Variants in RIPOR2 observed in about 807,000 individuals in gnomAD.
RIPOR2 encodes the protein rho family-interacting cell polarization regulator 2.
RIPOR2 carries 39 observed loss-of-function variants against 114.5 expected under a neutral mutation model. The ratio of observed to expected loss-of-function variants is 0.34; its 90% CI spans 0.26 to 0.44. The LOEUF is 0.44. RIPOR2 is among the 20% of genes least tolerant of loss of function. RIPOR2 has a pLI of 1.00. For missense variants in RIPOR2, 1,007 were observed against 1,255.1 expected (o/e 0.80, Z 2.99); for synonymous variants, 445 against 484.4 (o/e 0.92, Z 1.07).
At chr6:24,850,926 C>T (rs537482579) in intron 9 of RIPOR2, among the ~76,000 whole-genome samples, 33 of 149,478 alleles carry the variant, frequency 2.2e-4, no homozygotes, top group African/African-American at 7.9e-4. Context: ...GTTGGAGTCT[C>T]GCTCTGTCAC....
At position 24,993,542 on chromosome 6, in the gene RIPOR2, C is replaced by T. The variant is rs140634309; in HGVS notation, c.76+48309G>A. Among the ~76,000 whole-genome samples, 406 of 152,326 alleles carry T rather than the reference C, an allele frequency of 2.7e-3. 4 individuals carry two copies. Among genetic ancestry groups the T allele is most frequent in the African/African-American group, 8.4e-3 (348 of 41,572 alleles). On this transcript the variant is annotated intron_variant, in intron 1 of 13. Transcript: ENST00000510784. ...GGTCTTGCTTTTTTATCCAGCTTGC[C>T]ACTCTGTGCCTTTTAAGTGGGGCAT... is the stretch of plus-strand genomic sequence containing the variant.
Position 24,935,825 on chromosome 6 carries a change from A to G in RIPOR2, c.61+13T>C. 1 of 1,530,858 alleles carries G rather than the reference A, an allele frequency of 6.5e-7. No individual in the cohort carries two copies. The highest frequency in any genetic ancestry group is 8.8e-7 in the Non-Finnish European group (1 of 1,142,608). The allele number at this position is 1,530,858 out of a possible 1,614,324, so 94.8% of individuals were successfully genotyped here. A position where few individuals can be genotyped will look rare whatever the true frequency, so the allele number is the denominator to read the frequency against. Reference sequence around the variant, plus strand: ...GCAGACCGGAGAGCCTCCTGCCAGAAAGATGCATTTACCTTCACCAAAAAC... The same window carrying G: ...GCAGACCGGAGAGCCTCCTGCCAGAGAGATGCATTTACCTTCACCAAAAAC... On this transcript the variant is annotated intron_variant, in intron 1 of 21. Coordinates refer to ENST00000643898, the MANE Select transcript of RIPOR2 (RefSeq NM_001286445.3).
At chr6:24,907,615 G>A (rs1769122490) in intron 1 of RIPOR2, among the ~76,000 whole-genome samples, 1 of 152,244 alleles carries the variant, frequency 6.6e-6, no homozygotes, top group Non-Finnish European at 1.5e-5. Flanking sequence ...AAGAGGACAT[G>A]TGAGGGTTTC....
At chr6:24,841,592 G>A (rs1761719588) in intron 13 of RIPOR2, among the ~76,000 whole-genome samples, 1 of 149,942 alleles carries the variant, frequency 6.7e-6, no homozygotes, top group Non-Finnish European at 1.5e-5. Context: ...CCACTGGGCA[G>A]GCTACATATA....
At chr6:24,932,358 AAG>A (rs1463340138) in intron 1 of RIPOR2, among the ~76,000 whole-genome samples, 1 of 151,486 alleles carries the variant, frequency 6.6e-6, no homozygotes, top group South Asian at 2.1e-4. Flanking sequence ...GAGAGAGAAA[AAG>A]AGAGAGAAGA....
At chr6:24,877,661 C>T (rs962640730) in intron 1 of RIPOR2, among the ~76,000 whole-genome samples, 1 of 152,154 alleles carries the variant, frequency 6.6e-6, no homozygotes, top group African/African-American at 2.4e-5. Context: ...AGCACTCAAA[C>T]ATAAATTTAA....
chr6:24,849,212 T>C (rs892858315), intron 11 of RIPOR2, among the ~76,000 whole-genome samples: 3 of 152,172 alleles, frequency 2.0e-5, no homozygotes, highest in African/African-American at 7.2e-5. Context: ...GAGCTGCTAG[T>C]GTTAATAACT....
In RIPOR2 at chr6:24,806,092, G is replaced by C. The variant is rs569898311; in HGVS notation, c.*281C>G. On this transcript the variant is annotated 3_prime_UTR_variant, in exon 22 of 22. Transcript: ENST00000643898. ...AGCCTCCCAAGTAGCTGGGACTACAGGTGCATGCCACCACGCCTGACTAAT... is the reference window on the plus strand; with the variant it reads ...AGCCTCCCAAGTAGCTGGGACTACACGTGCATGCCACCACGCCTGACTAAT... 3 of 350,274 alleles carry C rather than the reference G, an allele frequency of 8.6e-6. No individual in the cohort carries two copies. In the East Asian group the frequency reaches 2.0e-4, roughly 23 times the overall value. The allele number at this position is 350,274 out of a possible 1,614,324, so 21.7% of individuals were successfully genotyped here. A position where few individuals can be genotyped will look rare whatever the true frequency, so the allele number is the denominator to read the frequency against.
intron 12 of RIPOR2, among the ~76,000 whole-genome samples, chr6:24,845,141 GCT>G (rs1762133520): frequency 6.6e-6 from 1 of 152,062 alleles, no homozygotes; most frequent in Non-Finnish European, 1.5e-5. Context: ...ACCTCTACAA[GCT>G]CTGTCTCTTT....
At chr6:24,916,015 T>G (rs1241168462) in intron 1 of RIPOR2, among the ~76,000 whole-genome samples, 1 of 152,240 alleles carries the variant, frequency 6.6e-6, no homozygotes, top group Non-Finnish European at 1.5e-5. Flanking sequence ...GGTTCTATTT[T>G]AGTGTTGCCA....
At chr6:24,958,450 T>C (rs2114216110) in intron 1 of RIPOR2, among the ~76,000 whole-genome samples, 1 of 152,332 alleles carries the variant, frequency 6.6e-6, no homozygotes, top group South Asian at 2.1e-4. Flanking sequence ...CACATTTCTA[T>C]TTCTTCAACA....
chr6:24,897,181 A>G (rs939636993), intron 1 of RIPOR2, among the ~76,000 whole-genome samples: 4 of 152,274 alleles, frequency 2.6e-5, no homozygotes, highest in African/African-American at 9.6e-5. Context: ...TGGGATGAGC[A>G]GAGTTCAGAA....
Position 24,873,759 on chromosome 6 carries a change from G to T in RIPOR2, c.229C>A (p.Pro77Thr), listed in dbSNP as rs1405393003. 6.2e-7 allele frequency: 1 copy of T among 1,612,896 alleles called. No individual in the cohort carries two copies. Among genetic ancestry groups the T allele is most frequent in the Non-Finnish European group, 8.5e-7 (1 of 1,179,646 alleles). The change falls in exon 3 of 22, where the codon CCT (proline) becomes ACT (threonine). Residue 77 changes from proline to threonine, a missense_variant. By Grantham distance (38) the Pro-to-Thr change is conservative. Coordinates refer to ENST00000643898, the MANE Select transcript of RIPOR2 (RefSeq NM_001286445.3). ...FIENSSALKK[P>T]QAKLKKMHNL... Reference sequence around the variant, plus strand: ...TGCATTTTCTTCAGTTTGGCCTGAGGCTTCTTGAGAGCGGAGGAATTTTCA... The same window carrying T: ...TGCATTTTCTTCAGTTTGGCCTGAGTCTTCTTGAGAGCGGAGGAATTTTCA...
Position 25,041,937 on chromosome 6 carries a change from G to A in RIPOR2, c.-11C>T, listed in dbSNP as rs1044851373. 1.7e-4 allele frequency: 118 copies of A among 702,192 alleles called. No homozygotes were observed. The African/African-American group carries it at 1.9e-3, about 11-fold the overall frequency. The allele number at this position is 702,192 out of a possible 1,614,324, so 43.5% of individuals were successfully genotyped here. ...CGAAGGTAACACCATGGTCCCAACA[G>A]AGCGGCCTAAAACCTGCTCATGGCA... On this transcript the variant is annotated 5_prime_UTR_variant, in exon 1 of 14. Coordinates refer to the RIPOR2 transcript ENST00000510784.
Position 24,934,645 on chromosome 6 carries a change from T to TA in RIPOR2, c.61+1192dup, listed in dbSNP as rs547087291. Among the ~76,000 whole-genome samples the TA allele has an allele frequency of 6.5e-4, 99 of 152,340 alleles. No individual in the cohort carries two copies. In the Middle Eastern group the frequency reaches 0.01, roughly 16 times the overall value. Reference sequence around the variant, plus strand: ...TAAAAAATTACTGAATAGAGTTTTTTAAAAAATTGCTAGACGTAGTTTCTT... The same window carrying TA: ...TAAAAAATTACTGAATAGAGTTTTTTAAAAAAATTGCTAGACGTAGTTTCTT... On this transcript the variant is annotated intron_variant, in intron 1 of 21. Coordinates refer to ENST00000643898, the MANE Select transcript of RIPOR2 (RefSeq NM_001286445.3).
At chr6:24,826,626 T>G (rs1157548689) in intron 18 of RIPOR2, among the ~76,000 whole-genome samples, 1 of 152,012 alleles carries the variant, frequency 6.6e-6, no homozygotes, top group Non-Finnish European at 1.5e-5. Context: ...AATTAACAAA[T>G]CACAGAAAAT....
intron 20 of RIPOR2, among the ~76,000 whole-genome samples, chr6:24,817,804 TAA>T (rs1759291033): frequency 6.6e-6 from 1 of 152,128 alleles, no homozygotes; most frequent in South Asian, 2.1e-4. Context: ...CTCTGCTTAA[TAA>T]AGAGAGCTTG....
chr6:24,976,345 A>C (rs1462114869), intron 1 of RIPOR2: 1 of 981,630 alleles, frequency 1.0e-6, no homozygotes, highest in Non-Finnish European at 1.6e-6. Flanking sequence ...AAATTATTCT[A>C]GAAAATATGA....
At chr6:24,989,962 C>T (rs1774723139) in intron 1 of RIPOR2, among the ~76,000 whole-genome samples, 1 of 151,800 alleles carries the variant, frequency 6.6e-6, no homozygotes, top group African/African-American at 2.4e-5. Context: ...ACCTGGGAGA[C>T]AGAGGTTGCA....
Sources: allele counts gnomAD v4.1 joint callset (sites outside exome capture counted in the v4.1 genomes callset), GRCh38; gene constraint gnomAD v4.1.1; transcripts MANE v1.5; gene names NCBI Gene and HGNC (gene_info 2026-07-23, HGNC 2026-07-21).